The following SBNO1 variants were observed in gnomAD, a reference collection of about 807,000 sequenced individuals.
SBNO1 encodes the protein strawberry notch homolog 1, also known as protein strawberry notch homolog 1.
In SBNO1, 23 loss-of-function variants were observed where a neutral mutation model predicts 173.6. That is an observed-to-expected ratio of 0.13 (90% confidence interval 0.10 to 0.19). The LOEUF is 0.19. Among genes scored for constraint, SBNO1 ranks in the 10% least tolerant of loss-of-function variants. The pLI is 1.00. For synonymous variants in SBNO1, 632 were observed against 571.5 expected (o/e 1.11, Z -1.51); for missense variants, 1,238 against 1,671.2 (o/e 0.74, Z 4.52).
Position 123,295,666 on chromosome 12 carries a change from G to C in SBNO1, c.*242C>G, listed in dbSNP as rs1399129039. ...CACACACATCCCCCTCTGCTCACCC[G>C]AAGTAAAAGCAGATGGGAATTATCA... On this transcript the variant is annotated 3_prime_UTR_variant, in exon 32 of 32. Coordinates refer to ENST00000602398, the MANE Select transcript of SBNO1 (RefSeq NM_001167856.3). The C allele has an allele frequency of 2.1e-6, 1 of 475,538 alleles. No homozygotes were observed. 29.5% of individuals were successfully genotyped at this position (475,538 alleles called of 1,614,324 possible). A position where few individuals can be genotyped will look rare whatever the true frequency, so the allele number is the denominator to read the frequency against.
intron 4 of SBNO1, among the ~76,000 whole-genome samples, chr12:123,341,327 T>C (rs965671634): frequency 6.6e-6 from 1 of 151,896 alleles, no homozygotes; most frequent in Non-Finnish European, 1.5e-5. Context: ...CGGGCACCTG[T>C]AATCCCAGCT....
intron 2 of SBNO1, 125 bp from the exon 3 acceptor site, chr12:123,348,258 G>A (rs868530042): frequency 1.7e-5 from 9 of 535,912 alleles, no homozygotes; most frequent in Middle Eastern, 2.9e-4. Flanking sequence ...ATCACTAACA[G>A]CAGATTTATA....
intron 6 of SBNO1, 57 bp downstream of exon 6, chr12:123,336,338 C>A: frequency 9.1e-7 from 1 of 1,102,738 alleles, no homozygotes; most frequent in Non-Finnish European, 1.3e-6. Context: ...ACAAAAAGAA[C>A]CAAAGAAACC....
rs59447456 is a variant in SBNO1, at chr12:123,297,400, CA to C, written c.4039+577del. Among the ~76,000 whole-genome samples, 178 of 31,512 alleles carry C rather than the reference CA, an allele frequency of 5.6e-3. 4 individuals carry two copies. The highest frequency in any genetic ancestry group is 6.0e-3 in the Non-Finnish European group (103 of 17,050). 20.7% of individuals were successfully genotyped at this position (31,512 alleles called of 152,430 possible). On this transcript the variant is annotated intron_variant, in intron 31 of 31. Transcript: ENST00000602398. ...TACAACATCCCAAAATACTGGTGTC[CA>C]AAAAAAAAAAAAAAAAAAAAATTCC...
Position 123,344,678 on chromosome 12 carries a change from G to A in SBNO1, c.550+580C>T, listed in dbSNP as rs535421304. On this transcript the variant is annotated intron_variant, in intron 4 of 31. Transcript: ENST00000602398. Reference sequence around the variant, plus strand: ...AGCCTGGCCAACACAGTGAAACCCCGTCTCTATTAAAAATACAAAAATTAG... The same window carrying A: ...AGCCTGGCCAACACAGTGAAACCCCATCTCTATTAAAAATACAAAAATTAG... Among the ~76,000 whole-genome samples the A allele has an allele frequency of 5.9e-5, 9 of 151,976 alleles. No individual in the cohort carries two copies. The South Asian group carries it at 6.2e-4, about 11-fold the overall frequency.
At chr12:123,312,521 G>A (rs967117620) in intron 24 of SBNO1, among the ~76,000 whole-genome samples, 1 of 151,992 alleles carries the variant, frequency 6.6e-6, no homozygotes. Flanking sequence ...AGACCAGCCT[G>A]GTCAACATGG....
chr12:123,359,169 G>A (rs571950364), intron 1 of SBNO1, among the ~76,000 whole-genome samples: 1 of 151,900 alleles, frequency 6.6e-6, no homozygotes, highest in African/African-American at 2.4e-5. Flanking sequence ...TCCCGACCTC[G>A]TGATCAGCCC....
rs976275960 is a variant in SBNO1 at position 123,300,813 on chromosome 12, A to G, written c.3845+2011T>C. Among the ~76,000 whole-genome samples the G allele has an allele frequency of 2.6e-5, 4 of 151,038 alleles. No homozygotes were observed. The South Asian group carries it at 8.4e-4, about 32-fold the overall frequency. On this transcript the variant is annotated intron_variant, in intron 30 of 31. Transcript: ENST00000602398. ...TGTCTCTACTAAAAATACAAAAATT[A>G]GCTGCGCATGGTGGCAGGCACTGTA... is the stretch of plus-strand genomic sequence containing the variant.
At chr12:123,364,483 C>G (rs571667212) in intron 1 of SBNO1, 2 of 983,816 alleles carry the variant, frequency 2.0e-6, no homozygotes, top group Non-Finnish European at 2.4e-6. Flanking sequence ...CGCTGACGAA[C>G]AGAGGAAGCG....
At chr12:123,356,140 T>C (rs1353426461) in intron 1 of SBNO1, among the ~76,000 whole-genome samples, 1 of 152,132 alleles carries the variant, frequency 6.6e-6, no homozygotes, top group Non-Finnish European at 1.5e-5. Context: ...TAGGTTCAAA[T>C]ACTGGCTGCA....
In SBNO1 at chr12:123,291,679, T is replaced by TAAAAAAAAAAAAAAAAAAAAAAAAAAAA. The variant is rs11288218; in HGVS notation, c.*4228_*4229insTTTTTTTTTTTTTTTTTTTTTTTTTTTT. The stretch of plus-strand genomic sequence containing the variant: ...AATGAAAAGTTTTCCATACTTTTCT[T>TAAAAAAAAAAAAAAAAAAAAAAAAAAAA]AAAAAAAAAAAAAAAAAAAAGTCAT... On this transcript the variant is annotated 3_prime_UTR_variant, in exon 32 of 32. Coordinates refer to ENST00000602398, the MANE Select transcript of SBNO1 (RefSeq NM_001167856.3). 1 of 118,620 alleles carries TAAAAAAAAAAAAAAAAAAAAAAAAAAAA rather than the reference T, an allele frequency of 8.4e-6. No individual in the cohort carries two copies. Among genetic ancestry groups the TAAAAAAAAAAAAAAAAAAAAAAAAAAAA allele is most frequent in the Non-Finnish European group, 1.7e-5 (1 of 57,938 alleles). 7.3% of individuals were successfully genotyped at this position (118,620 alleles called of 1,614,324 possible).
In SBNO1 at chr12:123,323,704, C is replaced by T. The variant is rs768993573; in HGVS notation, c.2101G>A (p.Glu701Lys). The change falls in exon 16 of 32, where the codon GAA (glutamate) becomes AAA (lysine). Residue 701 changes from glutamate (E) to lysine (K), a missense_variant. Coordinates refer to ENST00000602398, the MANE Select transcript of SBNO1 (RefSeq NM_001167856.3). ...CCTTTCCGCTTCTTTATTTTATTTT[C>T]TTTACAAGGACTATCTCTTGGCGAA... ...NSSPRDSPCK[E>K]NKIKKRKGEE... 1.2e-6 allele frequency: 2 copies of T among 1,606,626 alleles called. No homozygotes were observed. Among genetic ancestry groups the T allele is most frequent in the Non-Finnish European group, 1.7e-6 (2 of 1,177,750 alleles).
intron 23 of SBNO1, 73 bp downstream of exon 23, chr12:123,315,300 C>T (rs1339361649): frequency 8.3e-7 from 1 of 1,201,588 alleles, no homozygotes; most frequent in South Asian, 1.2e-5. Context: ...ACAGTAACTA[C>T]TTTCCTTTTG....
Position 123,326,251 on chromosome 12 carries a change from C to G in SBNO1, c.1776G>C (p.Gln592His). 6.2e-7 allele frequency: 1 copy of G among 1,613,452 alleles called. No individual in the cohort carries two copies. The highest frequency in any genetic ancestry group is 8.5e-7 in the Non-Finnish European group (1 of 1,179,518). ...AGAACCTCTGGTGAGCAGACCAGAA[C>G]TGACCCCACATGGACTTCTTCATTC... ...EQRMKKSMWGQFWSAHQRFFK... is the reference protein window; with the variant it reads ...EQRMKKSMWGHFWSAHQRFFK... Residue 592 changes from glutamine to histidine, a missense_variant, in exon 14 of 32, where the codon CAG becomes CAC. Physicochemically the swap from Gln to His is conservative, Grantham distance 24. This residue lies in a region of SBNO1 where 182 missense variants were observed against 339.9 expected (regional missense o/e 0.54). Coordinates refer to ENST00000602398, the MANE Select transcript of SBNO1 (RefSeq NM_001167856.3).
At chr12:123,333,281 G>A (rs190646823) in intron 7 of SBNO1, among the ~76,000 whole-genome samples, 22 of 13,748 alleles carry the variant, frequency 1.6e-3, no homozygotes, top group East Asian at 9.8e-3. Context: ...CAAGACAACT[G>A]CTTAACTCTA....
chr12:123,362,592 C>A (rs1778639435), intron 1 of SBNO1, among the ~76,000 whole-genome samples: 1 of 151,078 alleles, frequency 6.6e-6, no homozygotes, highest in South Asian at 2.1e-4. Context: ...ATGGTGAAAC[C>A]CCTTTCTGCC....
chr12:123,345,707 T>A, intron 3 of SBNO1, 137 bp from the exon 4 acceptor site: 1 of 744,546 alleles, frequency 1.3e-6, no homozygotes, highest in Non-Finnish European at 2.1e-6. Context: ...TGAAGCAGTC[T>A]CATTCTGTCA....
chr12:123,350,601 G>A (rs1593410664), intron 1 of SBNO1, among the ~76,000 whole-genome samples, 160 bp from the exon 2 acceptor site: 1 of 152,282 alleles, frequency 6.6e-6, no homozygotes, highest in Non-Finnish European at 1.5e-5. Context: ...AAGAGAAATA[G>A]TCTTGGATCC....
In SBNO1 at chr12:123,314,991, C is replaced by T. The variant is rs11057263; in HGVS notation, c.3120+382G>A. 3.7e-3 allele frequency among the ~76,000 whole-genome samples: 566 copies of T among 152,078 alleles called. 16 individuals carry two copies. The highest frequency in any genetic ancestry group is 0.033 in the Admixed American group (500 of 15,254). ...CTCCTGACCTCAAGTGATCCACCTGCCTTGGCCTCCCAAAGTGCTGGGATT... is the reference window on the plus strand; with the variant it reads ...CTCCTGACCTCAAGTGATCCACCTGTCTTGGCCTCCCAAAGTGCTGGGATT... On this transcript the variant is annotated intron_variant, in intron 23 of 31. Transcript: ENST00000602398.
Sources: gnomAD v4.1 joint callset for allele counts (sites outside exome capture counted in the v4.1 genomes callset) on GRCh38, gnomAD v4.1.1 for gene constraint, gnomAD v4.1.1 regional missense constraint, MANE v1.5 for transcripts, NCBI Gene and HGNC (gene_info 2026-07-23, HGNC 2026-07-21) for gene names.